Variants in LSAMP observed in about 807,000 individuals in gnomAD.
LSAMP encodes limbic system associated membrane protein.
LSAMP carries 7 observed loss-of-function variants against 38.6 expected under a neutral mutation model. That is an observed-to-expected ratio of 0.18 (90% CI 0.10 to 0.34). The LOEUF (loss-of-function observed/expected upper bound fraction) is 0.34. Ranked by LOEUF, LSAMP falls within the 10% of genes least tolerant of loss-of-function variation. The pLI is 1.00. For synonymous variants in LSAMP, 154 were observed against 166.8 expected, an observed-to-expected ratio of 0.92 and a Z score of 0.59; for missense variants, 313 against 420.0, an observed-to-expected ratio of 0.75 and a Z score of 2.23.
At chr3:116,210,646 G>T (rs2046144176) in intron 1 of LSAMP, among the ~76,000 whole-genome samples, 1 of 152,160 alleles carries the variant, frequency 6.6e-6, no homozygotes, top group African/African-American at 2.4e-5. Context: ...TTGTGATTGT[G>T]TGAGCCAATT....
At chr3:116,192,906 A>G (rs1359550039) in intron 1 of LSAMP, among the ~76,000 whole-genome samples, 1 of 152,178 alleles carries the variant, frequency 6.6e-6, no homozygotes, top group East Asian at 1.9e-4. Context: ...TACCTGGTAA[A>G]TGTAATTGGA....
At chr3:116,395,365 C>T (rs1282430416) in intron 1 of LSAMP, among the ~76,000 whole-genome samples, 1 of 152,090 alleles carries the variant, frequency 6.6e-6, no homozygotes, top group East Asian at 1.9e-4. Flanking sequence ...GAGCATGTTA[C>T]CAATGAGTTT....
intron 1 of LSAMP, among the ~76,000 whole-genome samples, chr3:116,286,451 C>G (rs936993282): frequency 6.6e-6 from 1 of 152,104 alleles, no homozygotes; most frequent in African/African-American, 2.4e-5. Context: ...TAATAACATT[C>G]CATTAAAAAT....
intron 3 of LSAMP, among the ~76,000 whole-genome samples, chr3:115,990,774 T>C (rs1408601120): frequency 1.3e-5 from 2 of 152,090 alleles, no homozygotes; most frequent in Non-Finnish European, 2.9e-5. Flanking sequence ...AACGAGGTCT[T>C]AGGACATTTG....
At chr3:116,103,464 C>CAAAAAAA (rs59732794) in intron 1 of LSAMP, among the ~76,000 whole-genome samples, 5 of 42,814 alleles carry the variant, frequency 1.2e-4, no homozygotes, top group Non-Finnish European at 2.1e-4. Flanking sequence ...GACTCCTTCT[C>CAAAAAAA]AAAAAAAAAA....
intron 2 of LSAMP, among the ~76,000 whole-genome samples, chr3:116,072,593 G>T (rs763704121): frequency 6.6e-6 from 1 of 152,064 alleles, no homozygotes; most frequent in East Asian, 1.9e-4. Context: ...TTGCCATTTT[G>T]ACTGGTGTGA....
At chr3:116,004,535 T>A (rs188656788) in intron 3 of LSAMP, among the ~76,000 whole-genome samples, 9 of 149,154 alleles carry the variant, frequency 6.0e-5, no homozygotes. Flanking sequence ...TATATATATA[T>A]ACACACACAC....
chr3:115,997,741 T>TAC (rs1220060352), intron 3 of LSAMP, among the ~76,000 whole-genome samples: 3 of 83,866 alleles, frequency 3.6e-5, no homozygotes, highest in Non-Finnish European at 5.0e-5. Flanking sequence ...TATATATATA[T>TAC]ATATATATAT....
intron 3 of LSAMP, among the ~76,000 whole-genome samples, chr3:115,945,637 C>T (rs1462717140): frequency 1.3e-5 from 2 of 152,096 alleles, no homozygotes; most frequent in South Asian, 2.1e-4. Flanking sequence ...AATATCTTGT[C>T]ATCAATTTTT....
intron 1 of LSAMP, among the ~76,000 whole-genome samples, chr3:116,168,372 A>AG (rs916537751): frequency 2.7e-4 from 41 of 152,224 alleles, no homozygotes; most frequent in African/African-American, 8.4e-4. Flanking sequence ...GAAACAAGAG[A>AG]GAAAAAAAAA....
intron 1 of LSAMP, among the ~76,000 whole-genome samples, chr3:116,385,277 C>T (rs571547535): frequency 1.3e-4 from 20 of 152,234 alleles, no homozygotes; most frequent in Admixed American, 7.9e-4. Context: ...ATACATCACT[C>T]GAGAAAGTTG....
chr3:116,342,497 A>G (rs1237460588), intron 1 of LSAMP, among the ~76,000 whole-genome samples: 3 of 152,216 alleles, frequency 2.0e-5, no homozygotes, highest in African/African-American at 4.8e-5. Context: ...AGGATAAAAC[A>G]TTGTTTTTCT....
intron 1 of LSAMP, 152 bp downstream of exon 1, chr3:116,444,725 A>T (rs1054978341): frequency 1.0e-6 from 1 of 987,470 alleles, no homozygotes; most frequent in Non-Finnish European, 1.5e-6. Context: ...ACACACACAC[A>T]CACACCACAC....
intron 1 of LSAMP, among the ~76,000 whole-genome samples, chr3:116,302,354 TTCCCTAGTTC>T (rs1294265015): frequency 6.6e-6 from 1 of 152,218 alleles, no homozygotes; most frequent in Non-Finnish European, 1.5e-5. Context: ...TCTCTTTTCA[TTCCCTAGTTC>T]TCAGCCTTCA....
intron 1 of LSAMP, among the ~76,000 whole-genome samples, chr3:116,441,646 G>A (rs374490490): frequency 6.6e-6 from 1 of 152,186 alleles, no homozygotes; most frequent in Non-Finnish European, 1.5e-5. Context: ...GGGTAGGAGG[G>A]AAGAAACAGT....
intron 1 of LSAMP, among the ~76,000 whole-genome samples, chr3:116,222,190 T>C (rs896427356): frequency 2.0e-5 from 3 of 151,994 alleles, no homozygotes; most frequent in Non-Finnish European, 4.4e-5. Context: ...GGCGTGGTTC[T>C]TCATGTGTAA....
Position 116,069,392 on chromosome 3 carries a change from C to T in LSAMP, c.388+16932G>A, listed in dbSNP as rs538081653. Among the ~76,000 whole-genome samples, 49 of 152,226 alleles carry T rather than the reference C, an allele frequency of 3.2e-4. No homozygotes were observed. In the South Asian group the frequency reaches 9.1e-3, roughly 28 times the overall value. ...TTTGGAACAACGTTTGGACTCATTCCGGGTCAGACTCTTATGTATGAGCAG... is the reference window on the plus strand; with the variant it reads ...TTTGGAACAACGTTTGGACTCATTCTGGGTCAGACTCTTATGTATGAGCAG... On this transcript the variant is annotated intron_variant, in intron 2 of 6. Coordinates refer to ENST00000490035, the MANE Select transcript of LSAMP (RefSeq NM_002338.5).
intron 1 of LSAMP, among the ~76,000 whole-genome samples, chr3:116,406,092 T>G (rs2048893896): frequency 6.6e-6 from 1 of 152,044 alleles, no homozygotes; most frequent in African/African-American, 2.4e-5. Context: ...TTAGCTCTGG[T>G]AAAAATCTGG....
chr3:116,123,715 C>T (rs1708940047), intron 1 of LSAMP, among the ~76,000 whole-genome samples: 1 of 152,156 alleles, frequency 6.6e-6, no homozygotes, highest in East Asian at 1.9e-4. Context: ...TCACTATCTG[C>T]TTTAAGACTT....
Sources: gnomAD v4.1 joint callset for allele counts (sites outside exome capture counted in the v4.1 genomes callset) on GRCh38, gnomAD v4.1.1 for gene constraint, MANE v1.5 for transcripts, NCBI Gene and HGNC (gene_info 2026-07-23, HGNC 2026-07-21) for gene names.